PEAK1: variants seen among roughly 807,000 people sequenced by gnomAD.
The protein encoded by PEAK1 is pseudopodium enriched atypical kinase 1.
In PEAK1, 54 loss-of-function variants were observed where a neutral mutation model predicts 124.7. That is an observed-to-expected ratio of 0.43 (90% CI 0.35 to 0.54). The LOEUF (loss-of-function observed/expected upper bound fraction) is 0.54. Among genes scored for constraint, PEAK1 ranks in the 20% least tolerant of loss-of-function variants. The pLI is 0.01. For synonymous variants in PEAK1, 719 were observed against 760.0 expected (o/e 0.95, Z 0.89); for missense variants, 2,046 against 2,134.5 (o/e 0.96, Z 0.82).
At chr15:77,221,719 ATAGCC>A (rs1017201376) in intron 6 of PEAK1, among the ~76,000 whole-genome samples, 7 of 152,264 alleles carry the variant, frequency 4.6e-5, no homozygotes, top group African/African-American at 1.7e-4. Context: ...AAAAACCATT[ATAGCC>A]TATATGCTTG....
intron 9 of PEAK1, among the ~76,000 whole-genome samples, chr15:77,115,666 C>T (rs975534384): frequency 6.6e-6 from 1 of 152,196 alleles, no homozygotes; most frequent in African/African-American, 2.4e-5. Context: ...CCACTATAAC[C>T]TTGCACCTCA....
intron 2 of PEAK1, among the ~76,000 whole-genome samples, chr15:77,298,064 CAAAAAAAAA>C (rs771222323): frequency 6.3e-5 from 2 of 31,556 alleles, no homozygotes; most frequent in Admixed American, 5.8e-4. Flanking sequence ...GACTCCGTCT[CAAAAAAAAA>C]AAAAAAAAAA....
intron 5 of PEAK1, among the ~76,000 whole-genome samples, chr15:77,261,350 T>C (rs1236615756): frequency 6.6e-6 from 1 of 152,026 alleles, no homozygotes; most frequent in Non-Finnish European, 1.5e-5. Flanking sequence ...TTCGAACCCA[T>C]GGCAAAGAAG....
At chr15:77,414,363 C>T (rs2072700773) in intron 1 of PEAK1, among the ~76,000 whole-genome samples, 1 of 151,526 alleles carries the variant, frequency 6.6e-6, no homozygotes, top group Admixed American at 6.6e-5. Flanking sequence ...GTGTGCACCA[C>T]CATGCCTAGC....
chr15:77,299,328 T>A (rs2063670835), intron 2 of PEAK1, among the ~76,000 whole-genome samples: 1 of 152,172 alleles, frequency 6.6e-6, no homozygotes, highest in Non-Finnish European at 1.5e-5. Flanking sequence ...AACAGAAAAG[T>A]TCAAGAATGG....
chr15:77,121,348 G>C (rs990283509), intron 9 of PEAK1, among the ~76,000 whole-genome samples: 1 of 152,174 alleles, frequency 6.6e-6, no homozygotes, highest in African/African-American at 2.4e-5. Context: ...TCTGAGAAAA[G>C]GCAGCATCTG....
At chr15:77,356,058 C>T in intron 2 of PEAK1, 1 of 443,856 alleles carries the variant, frequency 2.3e-6, no homozygotes, top group Non-Finnish European at 3.0e-6. Flanking sequence ...ACGACCTGGC[C>T]CCAAACGTGC....
At chr15:77,154,345 T>A (rs1280919332) in intron 8 of PEAK1, among the ~76,000 whole-genome samples, 1 of 152,212 alleles carries the variant, frequency 6.6e-6, no homozygotes, top group Non-Finnish European at 1.5e-5. Context: ...TTGGTAGATC[T>A]TCCTCCATCC....
At chr15:77,289,785 C>T (rs766627306) in intron 2 of PEAK1, among the ~76,000 whole-genome samples, 2 of 151,836 alleles carry the variant, frequency 1.3e-5, no homozygotes, top group Non-Finnish European at 2.9e-5. Flanking sequence ...TACAGTGAGC[C>T]GATATCGTGC....
chr15:77,144,991 AC>A (rs1484373405), intron 8 of PEAK1, among the ~76,000 whole-genome samples: 1 of 152,234 alleles, frequency 6.6e-6, no homozygotes, highest in African/African-American at 2.4e-5. Context: ...TTTGTGGCAT[AC>A]CAGTGTTCTA....
At chr15:77,399,656 A>G (rs923649255) in intron 1 of PEAK1, among the ~76,000 whole-genome samples, 2 of 152,228 alleles carry the variant, frequency 1.3e-5, no homozygotes, top group Admixed American at 6.5e-5. Flanking sequence ...ATACACAAAA[A>G]GTCAAATCAA....
chr15:77,364,265 T>A (rs994767905), intron 2 of PEAK1, among the ~76,000 whole-genome samples: 1 of 152,184 alleles, frequency 6.6e-6, no homozygotes, highest in Admixed American at 6.5e-5. Context: ...TCTGTAAATA[T>A]AATAAAAACT....
At chr15:77,131,655 A>G (rs1483477011) in intron 9 of PEAK1, among the ~76,000 whole-genome samples, 2 of 152,272 alleles carry the variant, frequency 1.3e-5, no homozygotes, top group Non-Finnish European at 2.9e-5. Flanking sequence ...ATTAAATTAC[A>G]TAACAAAAAT....
intron 8 of PEAK1, among the ~76,000 whole-genome samples, chr15:77,147,684 C>G (rs1299613975): frequency 1.3e-5 from 2 of 152,142 alleles, no homozygotes; most frequent in African/African-American, 4.8e-5. Flanking sequence ...TGTTACAGAT[C>G]AGAGTTCATT....
intron 6 of PEAK1, among the ~76,000 whole-genome samples, chr15:77,185,546 C>G (rs1408837738): frequency 1.3e-5 from 2 of 152,152 alleles, no homozygotes; most frequent in South Asian, 2.1e-4. Context: ...TACATACATG[C>G]CCATTGGACT....
At chr15:77,301,558 G>T (rs1318645080) in intron 2 of PEAK1, among the ~76,000 whole-genome samples, 1 of 152,106 alleles carries the variant, frequency 6.6e-6, no homozygotes, top group African/African-American at 2.4e-5. Context: ...TGATTTATTT[G>T]ATTTCTCATT....
chr15:77,182,015 C>T lies in PEAK1; in HGVS notation c.-89G>A. ...TAGTTTTCACTTCCCCTATGTGTTA[C>T]AGCAGCTCTTCTAAGAATGATCAAT... On this transcript the variant is annotated 5_prime_UTR_variant, in exon 7 of 10. Transcript: ENST00000682557. 1.3e-6 allele frequency: 2 copies of T among 1,487,742 alleles called. No homozygotes were observed. Among genetic ancestry groups the T allele is most frequent in the Non-Finnish European group, 1.8e-6 (2 of 1,125,758 alleles). The allele number at this position is 1,487,742 out of a possible 1,614,324, so 92.2% of individuals were successfully genotyped here.
intron 1 of PEAK1, among the ~76,000 whole-genome samples, chr15:77,372,559 C>T (rs1493699): frequency 0.36 from 54,782 of 152,078 alleles, 10,058 homozygotes; most frequent in Non-Finnish European, 0.38. Flanking sequence ...TCTATGAATG[C>T]TTAGTATAGC....
At chr15:77,313,652 A>ATATG (rs2064635299) in intron 2 of PEAK1, among the ~76,000 whole-genome samples, 2 of 90,602 alleles carry the variant, frequency 2.2e-5, no homozygotes, top group African/African-American at 4.4e-5. Context: ...GTATGTATGT[A>ATATG]TGTGTGTGTG....
Sources: allele counts gnomAD v4.1 joint callset (sites outside exome capture counted in the v4.1 genomes callset), GRCh38; gene constraint gnomAD v4.1.1; transcripts MANE v1.5; gene names NCBI Gene and HGNC (gene_info 2026-07-23, HGNC 2026-07-21).